Variants in USO1 observed in about 807,000 individuals in gnomAD.
USO1 encodes USO1 vesicle transport factor.
A neutral mutation model predicts 124.5 loss-of-function variants in USO1; 57 were observed. That is an observed-to-expected ratio of 0.46 (90% CI 0.37 to 0.57). USO1 has a LOEUF of 0.57. Ranked by LOEUF, USO1 falls within the 20% of genes least tolerant of loss-of-function variation. The pLI is 0.00. For missense variants in USO1, 900 were observed against 1,040.6 expected, an observed-to-expected ratio of 0.86 and a Z score of 1.86; for synonymous variants, 369 against 362.8, an observed-to-expected ratio of 1.02 and a Z score of -0.19.
intron 13 of USO1, among the ~76,000 whole-genome samples, chr4:75,796,607 G>A (rs1375677912): frequency 6.6e-6 from 1 of 151,768 alleles, no homozygotes; most frequent in African/African-American, 2.4e-5. Context: ...CAAAGTGCTG[G>A]GATTACAGGT....
intron 15 of USO1, 30 bp from the exon 16 acceptor site, chr4:75,800,588 T>A: frequency 1.3e-6 from 2 of 1,529,216 alleles, no homozygotes; most frequent in Admixed American, 2.3e-5. Context: ...TTATTTTTTT[T>A]AAAGCATCTC....
At position 75,812,211 on chromosome 4, in the gene USO1, G is replaced by A. The variant is rs776959474; in HGVS notation, c.2635G>A (p.Asp879Asn). The change falls in exon 23 of 24, where the codon GAT (aspartate) becomes AAT (asparagine). Residue 879 changes from aspartate to asparagine, a missense_variant. By Grantham distance (23) the Asp-to-Asn change is conservative. Around this residue, in one of 2 missense-constraint regions of USO1, gnomAD observed 362 missense variants for 359.0 expected, o/e 1.01. Transcript: ENST00000514213. ...AAGAACTGCCATTAAAGAGCAGCTG[G>A]ATTCATCTAATAGTACCATTGCCAT... ...EERTAIKEQLDSSNSTIAILQ... is the reference protein window; with the variant it reads ...EERTAIKEQLNSSNSTIAILQ... 1 of 1,609,936 alleles carries A rather than the reference G, an allele frequency of 6.2e-7. No homozygotes were observed. Among genetic ancestry groups the A allele is most frequent in the Admixed American group, 1.7e-5 (1 of 59,552 alleles).
At chr4:75,769,003 T>C (rs534809117) in intron 4 of USO1, among the ~76,000 whole-genome samples, 1 of 152,334 alleles carries the variant, frequency 6.6e-6, no homozygotes, top group South Asian at 2.1e-4. Flanking sequence ...GTGTTTCCAA[T>C]CTCAGTAAAT....
In USO1 at chr4:75,770,526, T is replaced by C. The variant is rs1279129933; in HGVS notation, c.383T>C (p.Leu128Ser). The change falls in exon 5 of 24, where the codon TTA becomes TCA. Residue 128 changes from leucine (L) to serine (S), a missense_variant. This residue lies in a region of USO1 where 538 missense variants were observed against 681.6 expected (regional missense o/e 0.79). Transcript: ENST00000514213. ...CAGCAGGAAAATGTCACTCTTCTGT[T>C]ATCTTTATTGGAGGTAAATAGGGAA... ...IKQQENVTLL[L>S]SLLEEFDFHV... is the part of the protein sequence containing the mutation. The C allele has an allele frequency of 1.4e-5, 22 of 1,584,954 alleles. No individual in the cohort carries two copies. Among genetic ancestry groups the C allele is most frequent in the Non-Finnish European group, 1.9e-5 (22 of 1,164,966 alleles).
chr4:75,759,911 A>T lies in USO1; in HGVS notation c.295+2338A>T, dbSNP rs1253641285. ...GGGCAACAGAACAAGACTCTGTCTTAAAAAAAAAAAAAAAAATAGACCAGA... is the reference window on the plus strand; with the variant it reads ...GGGCAACAGAACAAGACTCTGTCTTTAAAAAAAAAAAAAAAATAGACCAGA... On this transcript the variant is annotated intron_variant, in intron 4 of 23. Coordinates refer to ENST00000514213, the MANE Select transcript of USO1 (RefSeq NM_003715.4). 7.4e-5 allele frequency among the ~76,000 whole-genome samples: 10 copies of T among 134,724 alleles called. No homozygotes were observed. In the East Asian group the frequency reaches 8.4e-4, roughly 11 times the overall value. 88.4% of individuals were successfully genotyped at this position (134,724 alleles called of 152,430 possible).
At chr4:75,740,662 C>T (rs560534184) in intron 1 of USO1, among the ~76,000 whole-genome samples, 1 of 152,198 alleles carries the variant, frequency 6.6e-6, no homozygotes, top group South Asian at 2.1e-4. Flanking sequence ...TAAATAGCAA[C>T]AAACAGTTAT....
At chr4:75,771,252 T>G (rs1721920102) in intron 7 of USO1, 115 bp downstream of exon 7, 1 of 1,210,084 alleles carries the variant, frequency 8.3e-7, no homozygotes, top group African/African-American at 1.5e-5. Flanking sequence ...AGTAATGACC[T>G]TTTTTTAAAA....
chr4:75,742,808 A>G (rs567601217), intron 1 of USO1, among the ~76,000 whole-genome samples: 3 of 152,256 alleles, frequency 2.0e-5, no homozygotes, highest in South Asian at 2.1e-4. Flanking sequence ...CAACTTTCCT[A>G]TCATGTAGAT....
At chr4:75,740,708 T>C (rs1297969182) in intron 1 of USO1, among the ~76,000 whole-genome samples, 1 of 152,248 alleles carries the variant, frequency 6.6e-6, no homozygotes, top group Non-Finnish European at 1.5e-5. Context: ...TCAGGTGGTA[T>C]TTTAGAGTAG....
At chr4:75,739,757 G>T (rs1294531862) in intron 1 of USO1, among the ~76,000 whole-genome samples, 1 of 151,890 alleles carries the variant, frequency 6.6e-6, no homozygotes, top group Non-Finnish European at 1.5e-5. Flanking sequence ...ATGTTGGCCA[G>T]GCTGGTCTCG....
At chr4:75,751,805 C>G (rs1721303846) in intron 1 of USO1, among the ~76,000 whole-genome samples, 1 of 151,522 alleles carries the variant, frequency 6.6e-6, no homozygotes. Flanking sequence ...GCACTCCAGC[C>G]TGGGGGACAA....
At position 75,787,058 on chromosome 4, in the gene USO1, A is replaced by G; in HGVS notation, c.856-4A>G. 1 of 1,569,758 alleles carries G rather than the reference A, an allele frequency of 6.4e-7. No homozygotes were observed. Among genetic ancestry groups the G allele is most frequent in the Non-Finnish European group, 8.6e-7 (1 of 1,164,996 alleles). The stretch of plus-strand genomic sequence containing the variant: ...ACAAATTTTGTTTTCTCTTTCTTTC[A>G]CAGCTTGTTCGTGTATTGGTATCTC... On this transcript the variant is annotated splice_polypyrimidine_tract_variant and splice_region_variant and intron_variant, in intron 9 of 23. Transcript: ENST00000514213.
rs1204893104 is a variant in USO1, at chr4:75,806,507, A to G, written c.2311A>G (p.Thr771Ala). The G allele has an allele frequency of 1.3e-6, 2 of 1,560,596 alleles. No individual in the cohort carries two copies. Among genetic ancestry groups the G allele is most frequent in the African/African-American group, 1.4e-5 (1 of 73,582 alleles). Reference protein sequence around the residue: ...ENMKSSQTSGTNEQSSAIVSA... With the variant: ...ENMKSSQTSGANEQSSAIVSA... ...GCAGAAATCTTCCCAAACATCTGGC[A>G]CAAATGAACAGTCTTCAGCAATAGT... Residue 771 changes from threonine to alanine, a missense_variant, in exon 20 of 24, where the codon ACA becomes GCA. Physicochemically the swap from Thr to Ala is moderately conservative, Grantham distance 58. Transcript: ENST00000514213.
intron 8 of USO1, among the ~76,000 whole-genome samples, chr4:75,781,378 A>C (rs1320893795): frequency 6.6e-6 from 1 of 152,218 alleles, no homozygotes; most frequent in Non-Finnish European, 1.5e-5. Flanking sequence ...AGGATTTAGA[A>C]TATTACATCA....
chr4:75,794,999 A>G lies in USO1; in HGVS notation c.1452+1098A>G, dbSNP rs17000875. 5.8e-3 allele frequency among the ~76,000 whole-genome samples: 888 copies of G among 152,350 alleles called. 15 individuals carry two copies. The highest frequency in any genetic ancestry group is 0.02 in the African/African-American group (842 of 41,586). On this transcript the variant is annotated intron_variant, in intron 13 of 23. Transcript: ENST00000514213. The stretch of plus-strand genomic sequence containing the variant: ...CAACAGTTTTATTTTAAAGCCAAAC[A>G]GTAATTATCTCTCTCATCACCATCA...
chr4:75,758,907 T>C (rs1292498793), intron 4 of USO1, among the ~76,000 whole-genome samples: 1 of 152,208 alleles, frequency 6.6e-6, no homozygotes, highest in African/African-American at 2.4e-5. Flanking sequence ...AAGATACTTA[T>C]TTTCCCTAGT....
intron 1 of USO1, among the ~76,000 whole-genome samples, chr4:75,729,753 A>G (rs907787087): frequency 4.6e-5 from 7 of 152,214 alleles, no homozygotes; most frequent in Admixed American, 1.3e-4. Context: ...ACCCCGAGAC[A>G]TGAAAGTTGC....
At chr4:75,725,533 G>C (rs2149132156) in intron 1 of USO1, among the ~76,000 whole-genome samples, 1 of 151,952 alleles carries the variant, frequency 6.6e-6, no homozygotes, top group Middle Eastern at 3.4e-3. Flanking sequence ...GAACGTAGTA[G>C]GGATCTTAAG....
At position 75,724,774 on chromosome 4, in the gene USO1, CT is replaced by C. The variant is rs147239968; in HGVS notation, c.-38del. On this transcript the variant is annotated 5_prime_UTR_variant, in exon 1 of 24. Transcript: ENST00000514213. Reference sequence around the variant, plus strand: ...TGCGGAGGGCGGGGGAAGTTGTCTTCTTTTTTTTCCGGAGGGGCCGGTAAAC... The same window carrying C: ...TGCGGAGGGCGGGGGAAGTTGTCTTCTTTTTTTCCGGAGGGGCCGGTAAAC... 9 of 1,582,506 alleles carry C rather than the reference CT, an allele frequency of 5.7e-6. No individual in the cohort carries two copies. The highest frequency in any genetic ancestry group is 1.1e-5 in the South Asian group (1 of 89,930).
Sources: gnomAD v4.1 joint callset for allele counts (sites outside exome capture counted in the v4.1 genomes callset) on GRCh38, gnomAD v4.1.1 for gene constraint, gnomAD v4.1.1 regional missense constraint, MANE v1.5 for transcripts, NCBI Gene and HGNC (gene_info 2026-07-23, HGNC 2026-07-21) for gene names.